PTPRD: variants seen among roughly 807,000 people sequenced by gnomAD.
The protein encoded by PTPRD is receptor-type tyrosine-protein phosphatase delta.
In PTPRD, 34 loss-of-function variants were observed where a neutral mutation model predicts 214.5. The observed-to-expected ratio is 0.16, with a 90% confidence interval of 0.12 to 0.21. The LOEUF (loss-of-function observed/expected upper bound fraction) is 0.21. PTPRD is among the 10% of genes least tolerant of loss of function. The probability of loss-of-function intolerance (pLI) is 1.00; values close to 1 mark genes in which losing one functional copy is unlikely to be tolerated. For missense variants in PTPRD, 2,545 were observed against 2,398.7 expected (o/e 1.06, Z -1.27); for synonymous variants, 1,128 against 845.7 (o/e 1.33, Z -5.79).
rs1419559680 is a variant in PTPRD at position 9,775,910 on chromosome 9, C to T, written c.-367-9059G>A. Among the ~76,000 whole-genome samples, 4 of 135,782 alleles carry T rather than the reference C, an allele frequency of 2.9e-5. No homozygotes were observed. The East Asian group carries it at 7.6e-4, about 26-fold the overall frequency. 89.1% of individuals were successfully genotyped at this position (135,782 alleles called of 152,430 possible). A position where few individuals can be genotyped will look rare whatever the true frequency, so the allele number is the denominator to read the frequency against. ...GGCGGAGCTTGCAGTGAGCCAAGATCGGGCCACTGCCTCCAGCCTGGGCAA... is the reference window on the plus strand; with the variant it reads ...GGCGGAGCTTGCAGTGAGCCAAGATTGGGCCACTGCCTCCAGCCTGGGCAA... On this transcript the variant is annotated intron_variant, in intron 5 of 45. Coordinates refer to ENST00000381196, the MANE Select transcript of PTPRD (RefSeq NM_002839.4).
intron 3 of PTPRD, among the ~76,000 whole-genome samples, chr9:10,201,065 T>A (rs1279148605): frequency 6.6e-6 from 1 of 151,992 alleles, no homozygotes; most frequent in Admixed American, 6.6e-5. Context: ...GATCATAGCC[T>A]TGGAGTTACA....
At chr9:9,863,333 A>G (rs2063204028) in intron 5 of PTPRD, among the ~76,000 whole-genome samples, 1 of 152,214 alleles carries the variant, frequency 6.6e-6, no homozygotes, top group Admixed American at 6.5e-5. Flanking sequence ...GAAAGAGTCA[A>G]GAATGAATCT....
intron 2 of PTPRD, among the ~76,000 whole-genome samples, chr9:10,576,977 T>C (rs1288349796): frequency 6.6e-6 from 1 of 152,134 alleles, no homozygotes; most frequent in Non-Finnish European, 1.5e-5. Flanking sequence ...ACTTTTTTTT[T>C]TAACATTTAA....
intron 2 of PTPRD, among the ~76,000 whole-genome samples, chr9:10,528,648 G>T (rs1213976717): frequency 6.6e-6 from 1 of 152,168 alleles, no homozygotes; most frequent in Non-Finnish European, 1.5e-5. Flanking sequence ...TAAATGGCAT[G>T]CACATAAGTT....
chr9:9,797,877 C>G (rs1198661747), intron 5 of PTPRD, among the ~76,000 whole-genome samples: 1 of 151,904 alleles, frequency 6.6e-6, no homozygotes, highest in South Asian at 2.1e-4. Flanking sequence ...AAAAATCATC[C>G]TCTGTCATAA....
intron 22 of PTPRD, among the ~76,000 whole-genome samples, chr9:8,505,609 G>A (rs2097527363): frequency 1.6e-5 from 2 of 126,006 alleles, no homozygotes; most frequent in Non-Finnish European, 3.2e-5. Context: ...GCGACAGAGT[G>A]AGGAGACTCT....
intron 11 of PTPRD, among the ~76,000 whole-genome samples, chr9:8,937,794 A>G (rs1295115128): frequency 6.6e-6 from 1 of 152,172 alleles, no homozygotes; most frequent in Admixed American, 6.5e-5. Flanking sequence ...ATTATTTTAG[A>G]ACACTCAGAG....
chr9:8,422,931 A>AT (rs1404222363), intron 35 of PTPRD, among the ~76,000 whole-genome samples: 1 of 152,174 alleles, frequency 6.6e-6, no homozygotes, highest in Non-Finnish European at 1.5e-5. Flanking sequence ...GCAGCATTTC[A>AT]TTGTTCATTA....
At chr9:10,354,386 G>T (rs992715194) in intron 2 of PTPRD, among the ~76,000 whole-genome samples, 4 of 152,074 alleles carry the variant, frequency 2.6e-5, no homozygotes, top group Non-Finnish European at 5.9e-5. Flanking sequence ...CTGTTAAAAG[G>T]CTAAGAGAAT....
intron 27 of PTPRD, among the ~76,000 whole-genome samples, chr9:8,490,481 A>G (rs2097127664): frequency 6.6e-6 from 1 of 152,172 alleles, no homozygotes; most frequent in South Asian, 2.1e-4. Flanking sequence ...ATATTTCCAA[A>G]TTCTCCCTGT....
intron 11 of PTPRD, among the ~76,000 whole-genome samples, chr9:8,740,525 G>A (rs2154444594): frequency 6.6e-6 from 1 of 152,292 alleles, no homozygotes; most frequent in South Asian, 2.1e-4. Flanking sequence ...AAATATTACT[G>A]AGAAAAGGGG....
At chr9:10,304,825 A>G (rs2096003012) in intron 3 of PTPRD, among the ~76,000 whole-genome samples, 1 of 152,194 alleles carries the variant, frequency 6.6e-6, no homozygotes, top group Non-Finnish European at 1.5e-5. Flanking sequence ...GAAAATGGCC[A>G]TACTGCCCAA....
At chr9:8,360,808 G>A (rs1323742902) in intron 39 of PTPRD, among the ~76,000 whole-genome samples, 1 of 152,090 alleles carries the variant, frequency 6.6e-6, no homozygotes, top group East Asian at 1.9e-4. Context: ...TCCAAGGGGG[G>A]ACAAATAGTT....
chr9:8,337,297 T>A (rs1003180218), intron 43 of PTPRD, among the ~76,000 whole-genome samples: 2 of 152,140 alleles, frequency 1.3e-5, no homozygotes, highest in Admixed American at 1.3e-4. Context: ...GATGAGTTCA[T>A]GTCCTTTGCA....
chr9:10,554,099 T>A (rs1234237089), intron 2 of PTPRD, among the ~76,000 whole-genome samples: 1 of 152,190 alleles, frequency 6.6e-6, no homozygotes, highest in Non-Finnish European at 1.5e-5. Context: ...CAAATGTCCA[T>A]CCCAAATCTA....
intron 9 of PTPRD, among the ~76,000 whole-genome samples, chr9:9,299,996 TA>T (rs1228423439): frequency 2.9e-5 from 4 of 138,740 alleles, no homozygotes; most frequent in Non-Finnish European, 6.4e-5. Flanking sequence ...GTTCAAATTG[TA>T]AAAAAGTTTG....
intron 11 of PTPRD, among the ~76,000 whole-genome samples, chr9:8,834,707 C>T (rs1055923613): frequency 6.6e-6 from 1 of 152,150 alleles, no homozygotes; most frequent in Non-Finnish European, 1.5e-5. Context: ...GGAGACCACA[C>T]ATCAGGAATT....
intron 10 of PTPRD, among the ~76,000 whole-genome samples, chr9:9,164,814 A>G (rs1334987625): frequency 2.0e-5 from 3 of 151,852 alleles, no homozygotes; most frequent in Non-Finnish European, 4.4e-5. Flanking sequence ...GGAGTTCGTG[A>G]CCAGCCTGGC....
chr9:10,534,256 C>G (rs1186707171), intron 2 of PTPRD, among the ~76,000 whole-genome samples: 2 of 151,806 alleles, frequency 1.3e-5, no homozygotes, highest in African/African-American at 4.8e-5. Flanking sequence ...TCTATGGGAC[C>G]ATCTTCCAAA....
Sources: gnomAD v4.1 joint callset for allele counts (sites outside exome capture counted in the v4.1 genomes callset) on GRCh38, gnomAD v4.1.1 for gene constraint, MANE v1.5 for transcripts, NCBI Gene and HGNC (gene_info 2026-07-23, HGNC 2026-07-21) for gene names.